Variants in TRPM3 observed in about 807,000 individuals in gnomAD.
The protein encoded by TRPM3 is transient receptor potential cation channel subfamily M member 3, also known as long transient receptor potential channel 3.
TRPM3 carries 77 observed loss-of-function variants against 181.2 expected under a neutral mutation model. The ratio of observed to expected loss-of-function variants is 0.42; its 90% CI spans 0.35 to 0.51. TRPM3 has a LOEUF of 0.51. Among genes scored for constraint, TRPM3 ranks in the 20% least tolerant of loss-of-function variants. The probability of loss-of-function intolerance (pLI) is 0.01; values close to 1 mark genes in which losing one functional copy is unlikely to be tolerated. For synonymous variants in TRPM3, 745 were observed against 796.4 expected, an observed-to-expected ratio of 0.94 and a Z score of 1.09; for missense variants, 1,759 against 2,196.7, an observed-to-expected ratio of 0.80 and a Z score of 3.98.
chr9:71,132,314 G>A (rs1415817858), intron 1 of TRPM3, among the ~76,000 whole-genome samples: 1 of 152,078 alleles, frequency 6.6e-6, no homozygotes, highest in African/African-American at 2.4e-5. Flanking sequence ...GTTAATTCTT[G>A]GAGGGAACCA....
intron 1 of TRPM3, among the ~76,000 whole-genome samples, chr9:71,421,054 C>A (rs907032172): frequency 2.0e-5 from 3 of 146,426 alleles, no homozygotes; most frequent in African/African-American, 7.9e-5. Context: ...AACTCACGTC[C>A]TTTGCAGCAA....
At chr9:71,438,328 A>AT (rs1241695172) in intron 1 of TRPM3, among the ~76,000 whole-genome samples, 21 of 152,190 alleles carry the variant, frequency 1.4e-4, no homozygotes, top group Non-Finnish European at 1.2e-4. Context: ...ATCTGTGGGT[A>AT]TTAAGAAGTT....
intron 22 of TRPM3, among the ~76,000 whole-genome samples, chr9:70,556,488 G>A (rs918212181): frequency 7.2e-5 from 11 of 152,028 alleles, no homozygotes; most frequent in Admixed American, 1.3e-4. Flanking sequence ...TTGAGAGGCC[G>A]AGGTGGGTGG....
chr9:71,431,832 C>T (rs1376347971), intron 1 of TRPM3, among the ~76,000 whole-genome samples: 2 of 152,154 alleles, frequency 1.3e-5, no homozygotes, highest in African/African-American at 2.4e-5. Context: ...AAATTATGCT[C>T]ATTTTTCTCT....
chr9:71,413,931 C>T (rs1324236582), intron 1 of TRPM3, among the ~76,000 whole-genome samples: 1 of 151,624 alleles, frequency 6.6e-6, no homozygotes, highest in East Asian at 1.9e-4. Flanking sequence ...AGACTCTGAG[C>T]ATGTTTATCT....
chr9:71,048,131 C>T (rs988410576), intron 1 of TRPM3, among the ~76,000 whole-genome samples: 6 of 152,130 alleles, frequency 3.9e-5, no homozygotes, highest in Non-Finnish European at 7.4e-5. Context: ...CTCTTAATGG[C>T]AAAACCACAA....
chr9:70,811,285 G>A (rs1260484816), intron 6 of TRPM3: 1 of 1,508,040 alleles, frequency 6.6e-7, no homozygotes, highest in Non-Finnish European at 9.0e-7. Flanking sequence ...ACACCCTGTG[G>A]TTGCATACAC....
In TRPM3 at chr9:71,413,541, A is replaced by G. The variant is rs535059558; in HGVS notation, c.183+33112T>C. Among the ~76,000 whole-genome samples, 116 of 152,228 alleles carry G rather than the reference A, an allele frequency of 7.6e-4. 1 individual carries two copies. Among genetic ancestry groups the G allele is most frequent in the African/African-American group, 2.7e-3 (114 of 41,562 alleles). The stretch of plus-strand genomic sequence containing the variant: ...ACTGTAGTTTCTTTATATTTGTTCA[A>G]TGAATAGTGCTTACTGAATACTATG... On this transcript the variant is annotated intron_variant, in intron 1 of 24. Coordinates refer to the TRPM3 transcript ENST00000357533.
chr9:71,027,061 C>T (rs529147967), intron 1 of TRPM3, among the ~76,000 whole-genome samples: 4 of 152,274 alleles, frequency 2.6e-5, no homozygotes, highest in Admixed American at 2.6e-4. Context: ...GCTGCCACCA[C>T]CCATCAAAGT....
At chr9:71,207,844 TA>T (rs747999425) in intron 1 of TRPM3, among the ~76,000 whole-genome samples, 3 of 152,188 alleles carry the variant, frequency 2.0e-5, no homozygotes, top group Non-Finnish European at 4.4e-5. Context: ...CAATCTCTTT[TA>T]CTTTTATCCT....
In TRPM3 at chr9:70,663,459, C is replaced by T. The variant is rs559625604; in HGVS notation, c.1345+18047G>A. On this transcript the variant is annotated intron_variant, in intron 9 of 25. Coordinates refer to ENST00000677713, the MANE Select transcript of TRPM3 (RefSeq NM_001366145.2). Reference sequence around the variant, plus strand: ...AATGAGCAAGTGAATGAATGTCTCACCATACCCTCACTATAGTGGTTATAA... The same window carrying T: ...AATGAGCAAGTGAATGAATGTCTCATCATACCCTCACTATAGTGGTTATAA... Among the ~76,000 whole-genome samples the T allele has an allele frequency of 3.9e-5, 6 of 152,152 alleles. No individual in the cohort carries two copies. In the East Asian group the frequency reaches 1.2e-3, roughly 29 times the overall value.
intron 1 of TRPM3, among the ~76,000 whole-genome samples, chr9:71,290,291 A>G (rs546834538): frequency 1.8e-4 from 28 of 152,210 alleles, no homozygotes; most frequent in Admixed American, 5.9e-4. Context: ...ACTCACCAAT[A>G]TATCGTAATG....
intron 9 of TRPM3, among the ~76,000 whole-genome samples, chr9:70,651,525 C>A (rs1188387558): frequency 3.3e-5 from 5 of 152,168 alleles, no homozygotes; most frequent in South Asian, 2.1e-4. Context: ...TGCCACCAAC[C>A]AACTCACTCT....
intron 1 of TRPM3, among the ~76,000 whole-genome samples, chr9:71,444,196 A>AG (rs2094173867): frequency 6.7e-6 from 1 of 150,266 alleles, no homozygotes; most frequent in South Asian, 2.1e-4. Flanking sequence ...AAAAAAAAAA[A>AG]CTAATACAAT....
At position 70,765,547 on chromosome 9, in the gene TRPM3, G is replaced by A. The variant is rs146162290; in HGVS notation, c.1149-3823C>T. Reference sequence around the variant, plus strand: ...AGAAGTTGAAGTGAACTGAGATCACGCATCACTGCACTCCAGCCTGGGCAG... The same window carrying A: ...AGAAGTTGAAGTGAACTGAGATCACACATCACTGCACTCCAGCCTGGGCAG... On this transcript the variant is annotated intron_variant, in intron 7 of 25. Coordinates refer to ENST00000677713, the MANE Select transcript of TRPM3 (RefSeq NM_001366145.2). 3.6e-3 allele frequency among the ~76,000 whole-genome samples: 541 copies of A among 152,220 alleles called. 3 individuals carry two copies. The highest frequency in any genetic ancestry group is 5.5e-3 in the Non-Finnish European group (377 of 68,000).
Position 71,393,924 on chromosome 9 carries a change from G to A in TRPM3, c.183+52729C>T, listed in dbSNP as rs183775394. On this transcript the variant is annotated intron_variant, in intron 1 of 24. Coordinates refer to the TRPM3 transcript ENST00000357533. ...ACTGAAAAATTGGAATTCATAGTCCGGGATTTATATTCCTTTAATGGATCC... is the reference window on the plus strand; with the variant it reads ...ACTGAAAAATTGGAATTCATAGTCCAGGATTTATATTCCTTTAATGGATCC... Among the ~76,000 whole-genome samples, 16 of 152,222 alleles carry A rather than the reference G, an allele frequency of 1.1e-4. No individual in the cohort carries two copies. In the East Asian group the frequency reaches 2.3e-3, roughly 22 times the overall value.
chr9:70,976,973 CCT>C (rs1355993422), intron 1 of TRPM3, among the ~76,000 whole-genome samples: 8 of 152,276 alleles, frequency 5.3e-5, no homozygotes, highest in East Asian at 3.9e-4. Context: ...CAGTGCTATT[CCT>C]CTCTCATTCT....
At chr9:71,249,780 G>C (rs1013761442) in intron 1 of TRPM3, among the ~76,000 whole-genome samples, 2 of 152,096 alleles carry the variant, frequency 1.3e-5, no homozygotes, top group African/African-American at 4.8e-5. Context: ...GGGAATCTAC[G>C]AGATAGGAAA....
intron 1 of TRPM3, among the ~76,000 whole-genome samples, chr9:70,925,582 A>G (rs1339173216): frequency 2.0e-5 from 3 of 152,062 alleles, no homozygotes; most frequent in Non-Finnish European, 4.4e-5. Flanking sequence ...TATGGAATAT[A>G]TATATATATC....
Sources: allele counts gnomAD v4.1 joint callset (sites outside exome capture counted in the v4.1 genomes callset), GRCh38; gene constraint gnomAD v4.1.1; transcripts MANE v1.5; gene names NCBI Gene and HGNC (gene_info 2026-07-23, HGNC 2026-07-21).